TRPM1: variants seen among roughly 807,000 people sequenced by gnomAD.
The protein encoded by TRPM1 is TRPM1-203 APA Isoform, Intron 10.
TRPM1 carries 113 observed loss-of-function variants against 149.4 expected under a neutral mutation model. That is an observed-to-expected ratio of 0.76 (90% CI 0.65 to 0.88). The LOEUF (loss-of-function observed/expected upper bound fraction) is 0.88. Ranked by LOEUF, TRPM1 falls within the 40% of genes least tolerant of loss-of-function variation. TRPM1 has a pLI of 0.00. For missense variants in TRPM1, 1,976 were observed against 2,038.7 expected (o/e 0.97, Z 0.59); for synonymous variants, 741 against 759.5 (o/e 0.98, Z 0.40).
At chr15:31,152,496 T>G (rs2036317289) in intron 1 of TRPM1, among the ~76,000 whole-genome samples, 1 of 152,230 alleles carries the variant, frequency 6.6e-6, no homozygotes, top group African/African-American at 2.4e-5. Flanking sequence ...ACCATCTGAA[T>G]GGACCCCTCC....
chr15:31,005,938 T>C (rs981303721), intron 27 of TRPM1, among the ~76,000 whole-genome samples: 1 of 152,286 alleles, frequency 6.6e-6, no homozygotes, highest in Non-Finnish European at 1.5e-5. Context: ...TATTTACACA[T>C]TGAATGGCAT....
intron 8 of TRPM1, 30 bp downstream of exon 8, chr15:31,063,088 C>T (rs775020461): frequency 3.1e-6 from 5 of 1,613,690 alleles, no homozygotes; most frequent in Admixed American, 3.3e-5. Context: ...AGTTACGAAC[C>T]CGCCCTTCCT....
chr15:31,124,431 A>G (rs1327690132), intron 1 of TRPM1, among the ~76,000 whole-genome samples: 1 of 152,102 alleles, frequency 6.6e-6, no homozygotes, highest in Non-Finnish European at 1.5e-5. Flanking sequence ...AGTCAGGCAG[A>G]TCGCATGAGG....
intron 27 of TRPM1, among the ~76,000 whole-genome samples, chr15:31,017,215 A>C (rs2032398334): frequency 6.6e-6 from 1 of 152,106 alleles, no homozygotes; most frequent in Non-Finnish European, 1.5e-5. Flanking sequence ...CTGAGGCAGG[A>C]CAAAGGTTGC....
chr15:31,127,843 A>T (rs1452757271), intron 1 of TRPM1, among the ~76,000 whole-genome samples: 2 of 152,200 alleles, frequency 1.3e-5, no homozygotes, highest in Non-Finnish European at 2.9e-5. Context: ...AGGATGAGAA[A>T]CAAGGACGCG....
chr15:31,066,197 C>A lies in TRPM1; in HGVS notation c.669G>T (p.Val223=). The stretch of plus-strand genomic sequence containing the variant: ...TGAAGTGGGTGTGGGAGTTGTTGAG[C>A]ACAGAGAGCTTACTTAGAGGGTTGG... The part of the protein sequence containing the change: ...TMSNPLSKLS[V]LNNSHTHFIL... Residue 223 remains valine, a synonymous_variant, in exon 7 of 28, where the codon GTG becomes GTT. Transcript: ENST00000256552. 6.2e-7 allele frequency: 1 copy of A among 1,614,158 alleles called. No homozygotes were observed. The highest frequency in any genetic ancestry group is 8.5e-7 in the Non-Finnish European group (1 of 1,180,038).
In TRPM1 at chr15:31,068,167, C is replaced by G. The variant is rs1298579243; in HGVS notation, c.280-75G>C. 1.1e-5 allele frequency: 15 copies of G among 1,341,646 alleles called. No individual in the cohort carries two copies. The South Asian group carries it at 1.6e-4, about 15-fold the overall frequency. 83.1% of individuals were successfully genotyped at this position (1,341,646 alleles called of 1,614,324 possible). ...GTGTCAAAGGGGAGTGAGGCTATTG[C>G]TCATGTCCAAGCAAGAACTGCCTGG... On this transcript the variant is annotated intron_variant, in intron 4 of 27. Transcript: ENST00000256552.
In TRPM1 at chr15:31,038,113, T is replaced by C; in HGVS notation, c.2370A>G (p.Thr790=). 1 of 1,614,094 alleles carries C rather than the reference T, an allele frequency of 6.2e-7. No homozygotes were observed. The highest frequency in any genetic ancestry group is 2.2e-5 in the East Asian group (1 of 44,888). The change falls in exon 19 of 28, where the codon ACA becomes ACG. Residue 790 remains threonine, a synonymous_variant. Transcript: ENST00000256552. ...ATGTTTGATACGAGAAATCATCATA[T>C]GTGCGAAATTCCAAAAACAAGATGG... ...PPTILFLEFR[T]YDDFSYQTSK... is the part of the protein sequence containing the mutation.
rs569536909 is a variant in TRPM1, at chr15:31,002,303, C to T, written c.4397G>A (p.Arg1466Gln). ...AACCCCACCGACCAGCTTTCTTCCC[C>T]GGGAATAGACGAAGCTTCTGGACTT... ...TMKSRSFVYS[R>Q]GRKLVGGVNQ... is the part of the protein sequence containing the mutation. The change falls in exon 28 of 28, where the codon CGG (arginine) becomes CAG (glutamine). Residue 1466 changes from arginine to glutamine, a missense_variant. Around this residue, in one of 3 missense-constraint regions of TRPM1, gnomAD observed 572 missense variants for 578.9 expected, o/e 0.99. Transcript: ENST00000256552. 2.1e-5 allele frequency: 34 copies of T among 1,614,200 alleles called. No individual in the cohort carries two copies. Among genetic ancestry groups the T allele is most frequent in the South Asian group, 1.3e-4 (12 of 91,086 alleles).
intron 27 of TRPM1, among the ~76,000 whole-genome samples, chr15:31,017,480 G>A (rs1287154779): frequency 1.3e-5 from 2 of 152,112 alleles, no homozygotes; most frequent in Non-Finnish European, 1.5e-5. Flanking sequence ...ATTGGCATTC[G>A]GGATGAAGCT....
At chr15:31,137,409 A>C (rs149947870) in intron 1 of TRPM1, among the ~76,000 whole-genome samples, 1 of 152,310 alleles carries the variant, frequency 6.6e-6, no homozygotes, top group Non-Finnish European at 1.5e-5. Flanking sequence ...GATATTCTTA[A>C]AAGTGGCAAA....
intron 1 of TRPM1, among the ~76,000 whole-genome samples, chr15:31,088,646 T>G (rs576466766): frequency 1.3e-5 from 2 of 152,200 alleles, no homozygotes; most frequent in African/African-American, 2.4e-5. Context: ...ACTGCGGACA[T>G]GCCACACTCA....
At chr15:31,105,435 CTGTGTGTGTGTGTGTGTGTGTGTG>C (rs10525947), upstream of TRPM1, among the ~76,000 whole-genome samples, 1 of 148,576 alleles carries the variant, frequency 6.7e-6, no homozygotes, top group Admixed American at 6.6e-5. Context: ...CTGTGTGTCT[CTGTGTGTGTGTGTGTGTGTGTGTG>C]TGTGTGTGTG....
At chr15:31,113,879 A>C (rs1200237522) in intron 1 of TRPM1, among the ~76,000 whole-genome samples, 2 of 152,220 alleles carry the variant, frequency 1.3e-5, no homozygotes, top group African/African-American at 2.4e-5. Flanking sequence ...GGTACCGAGC[A>C]AATTGACTTT....
At chr15:31,016,239 C>T (rs989191843) in intron 27 of TRPM1, among the ~76,000 whole-genome samples, 1 of 152,210 alleles carries the variant, frequency 6.6e-6, no homozygotes, top group East Asian at 1.9e-4. Flanking sequence ...CCAATACCCT[C>T]AAATATTTCA....
At chr15:31,067,793 T>G in intron 5 of TRPM1, 86 bp downstream of exon 5, 1 of 1,308,976 alleles carries the variant, frequency 7.6e-7, no homozygotes. Context: ...TGTTTTGTTG[T>G]CCTTAGTTAT....
chr15:31,045,243 T>C (rs1042624120), intron 16 of TRPM1, among the ~76,000 whole-genome samples: 16 of 152,244 alleles, frequency 1.1e-4, no homozygotes, highest in Non-Finnish European at 2.1e-4. Context: ...CTCATAAATT[T>C]ATTTAAAAAG....
intron 3 of TRPM1, among the ~76,000 whole-genome samples, chr15:31,072,890 G>A (rs962303301): frequency 6.6e-6 from 1 of 151,652 alleles, no homozygotes; most frequent in Non-Finnish European, 1.5e-5. Context: ...TTAATTATTG[G>A]ATCTCTTTCC....
At chr15:31,136,677 T>C (rs1441741576) in intron 1 of TRPM1, among the ~76,000 whole-genome samples, 1 of 151,808 alleles carries the variant, frequency 6.6e-6, no homozygotes, top group African/African-American at 2.4e-5. Context: ...CCTTGTCTCA[T>C]AAGGAAAGTC....
Sources: allele counts gnomAD v4.1 joint callset (sites outside exome capture counted in the v4.1 genomes callset), GRCh38; gene constraint gnomAD v4.1.1; regional missense constraint gnomAD v4.1.1; transcripts MANE v1.5; gene names NCBI Gene and HGNC (gene_info 2026-07-23, HGNC 2026-07-21).